PDE6C: variants seen among roughly 807,000 people sequenced by gnomAD.
PDE6C encodes the protein phosphodiesterase 6C, also known as cone cGMP-specific 3',5'-cyclic phosphodiesterase subunit alpha'.
A neutral mutation model predicts 113.1 loss-of-function variants in PDE6C; 75 were observed. That is an observed-to-expected ratio of 0.66 (90% CI 0.55 to 0.80). PDE6C has a LOEUF of 0.80. PDE6C is among the 30% of genes least tolerant of loss of function. PDE6C has a pLI of 0.00. For missense variants in PDE6C, 912 were observed against 1,038.6 expected (o/e 0.88, Z 1.67); for synonymous variants, 375 against 363.7 (o/e 1.03, Z -0.35).
chr10:93,654,596 TCTC>T (rs1057258935), intron 15 of PDE6C, among the ~76,000 whole-genome samples: 4 of 152,164 alleles, frequency 2.6e-5, no homozygotes, highest in African/African-American at 4.8e-5. Context: ...TGATAGACTA[TCTC>T]CTCTTTCTTT....
intron 18 of PDE6C, among the ~76,000 whole-genome samples, chr10:93,659,399 A>G (rs1379817765): frequency 1.3e-5 from 2 of 152,214 alleles, no homozygotes; most frequent in East Asian, 1.9e-4. Flanking sequence ...AATAATTTAT[A>G]TAAAATTATC....
chr10:93,639,483 T>C (rs1395021391), intron 11 of PDE6C, among the ~76,000 whole-genome samples: 2 of 152,254 alleles, frequency 1.3e-5, no homozygotes, highest in African/African-American at 2.4e-5. Flanking sequence ...TATACCTATG[T>C]ACTGCAGGGC....
chr10:93,664,593 C>G (rs1333691665), intron 21 of PDE6C, among the ~76,000 whole-genome samples: 1 of 152,154 alleles, frequency 6.6e-6, no homozygotes, highest in Non-Finnish European at 1.5e-5. Flanking sequence ...TTTCTTAGTA[C>G]TATTAGATTT....
Position 93,617,511 on chromosome 10 carries a change from C to T in PDE6C, c.481-3121C>T, listed in dbSNP as rs370208675. Among the ~76,000 whole-genome samples, 24 of 152,258 alleles carry T rather than the reference C, an allele frequency of 1.6e-4. No individual in the cohort carries two copies. The East Asian group carries it at 3.5e-3, about 22-fold the overall frequency. On this transcript the variant is annotated intron_variant, in intron 1 of 21. Transcript: ENST00000371447. ...GCTGCCAGCTAAGCATGGTGGCTTA[C>T]ACCTGTAATCTCAGCACTTTGGGAA...
In PDE6C at chr10:93,658,884, A is replaced by T. The variant is rs1348406923; in HGVS notation, c.2037-17A>T. Reference sequence around the variant, plus strand: ...TTCATAAGCTAAAATTGTTGCTCACAGCTGTATCTTTTCTAGGAAGAGGAC... The same window carrying T: ...TTCATAAGCTAAAATTGTTGCTCACTGCTGTATCTTTTCTAGGAAGAGGAC... On this transcript the variant is annotated splice_polypyrimidine_tract_variant and intron_variant, in intron 16 of 21. Transcript: ENST00000371447. 2.1e-6 allele frequency: 3 copies of T among 1,443,820 alleles called. No homozygotes were observed. Among genetic ancestry groups the T allele is most frequent in the African/African-American group, 1.4e-5 (1 of 71,576 alleles). The allele number at this position is 1,443,820 out of a possible 1,614,324, so 89.4% of individuals were successfully genotyped here. A position where few individuals can be genotyped will look rare whatever the true frequency, so the allele number is the denominator to read the frequency against.
At chr10:93,646,700 T>G (rs2058586130) in intron 15 of PDE6C, among the ~76,000 whole-genome samples, 1 of 151,984 alleles carries the variant, frequency 6.6e-6, no homozygotes, top group Admixed American at 6.6e-5. Flanking sequence ...AATAACCAGA[T>G]CTCATGAGAA....
intron 11 of PDE6C, among the ~76,000 whole-genome samples, chr10:93,637,294 T>C (rs942240529): frequency 3.3e-5 from 5 of 152,150 alleles, no homozygotes; most frequent in Non-Finnish European, 5.9e-5. Context: ...CAATTGTAGG[T>C]AGCCTAGACT....
chr10:93,663,947 G>A (rs1564807151), intron 21 of PDE6C, among the ~76,000 whole-genome samples: 1 of 152,166 alleles, frequency 6.6e-6, no homozygotes, highest in African/African-American at 2.4e-5. Context: ...ATGTGGAAAG[G>A]CCCTGACATG....
At chr10:93,620,595 T>C in intron 1 of PDE6C, 37 bp from the exon 2 acceptor site, 1 of 1,610,438 alleles carries the variant, frequency 6.2e-7, no homozygotes, top group Non-Finnish European at 8.5e-7. Context: ...TCTATGATTT[T>C]GTGCCACTTT....
At chr10:93,653,548 G>A (rs1046572389) in intron 15 of PDE6C, among the ~76,000 whole-genome samples, 1 of 152,066 alleles carries the variant, frequency 6.6e-6, no homozygotes, top group Admixed American at 6.6e-5. Context: ...GGAGGCTGAG[G>A]CAGGAGAATC....
intron 16 of PDE6C, among the ~76,000 whole-genome samples, chr10:93,658,032 T>C (rs542654373): frequency 6.6e-6 from 1 of 151,688 alleles, no homozygotes; most frequent in South Asian, 2.1e-4. Context: ...TAGCCAGGCA[T>C]GCTGGAGCAT....
At chr10:93,633,352 G>A (rs2058510973) in intron 8 of PDE6C, among the ~76,000 whole-genome samples, 1 of 151,688 alleles carries the variant, frequency 6.6e-6, no homozygotes, top group Non-Finnish European at 1.5e-5. Context: ...TGTAATCCCA[G>A]CTACTCGTGA....
rs752947586 is a variant in PDE6C, at chr10:93,635,584, C to G, written c.1357C>G (p.Gln453Glu). 1.4e-5 allele frequency: 22 copies of G among 1,613,736 alleles called. No individual in the cohort carries two copies. Among genetic ancestry groups the G allele is most frequent in the Non-Finnish European group, 1.8e-5 (21 of 1,179,810 alleles). ...GCTAGAAAACAGAAAGGACATTGCT[C>G]AGGAAATGCTCATGAACCAAACCAA... ...NKLENRKDIA[Q>E]EMLMNQTKAT... The change falls in exon 10 of 22, where the codon CAG (glutamine) becomes GAG (glutamate). Residue 453 changes from glutamine to glutamate, a missense_variant. Transcript: ENST00000371447.
intron 10 of PDE6C, among the ~76,000 whole-genome samples, chr10:93,636,070 T>C (rs1329324091): frequency 2.6e-5 from 4 of 152,142 alleles, no homozygotes; most frequent in Admixed American, 2.6e-4. Flanking sequence ...AAGCTATGAA[T>C]TTGGTTTGCT....
At chr10:93,650,034 A>C (rs2058602597) in intron 15 of PDE6C, among the ~76,000 whole-genome samples, 1 of 152,182 alleles carries the variant, frequency 6.6e-6, no homozygotes, top group Non-Finnish European at 1.5e-5. Flanking sequence ...GACCCTTCAC[A>C]GCACATCCCA....
At chr10:93,638,755 C>T (rs552202585) in intron 11 of PDE6C, among the ~76,000 whole-genome samples, 33 of 152,314 alleles carry the variant, frequency 2.2e-4, no homozygotes, top group Admixed American at 1.2e-3. Context: ...TCCATCTTCA[C>T]GTACCTGAGT....
chr10:93,654,463 GA>G lies in PDE6C; in HGVS notation c.1936-1295del, dbSNP rs370874155. ...CTGGGGTCTGTTGTGAAGAGATTAAGAATATTCACAAAGCACTTAGAGCCTG... is the reference window on the plus strand; with the variant it reads ...CTGGGGTCTGTTGTGAAGAGATTAAGATATTCACAAAGCACTTAGAGCCTG... On this transcript the variant is annotated intron_variant, in intron 15 of 21. Transcript: ENST00000371447. Among the ~76,000 whole-genome samples the G allele has an allele frequency of 2.7e-3, 415 of 152,304 alleles. 2 individuals are homozygous for G. The highest frequency in any genetic ancestry group is 9.6e-3 in the African/African-American group (400 of 41,578).
intron 15 of PDE6C, among the ~76,000 whole-genome samples, chr10:93,648,172 AT>A (rs888362064): frequency 7.2e-5 from 11 of 152,070 alleles, no homozygotes; most frequent in African/African-American, 1.9e-4. Context: ...TTCCATCTGA[AT>A]TTTTTTTAAT....
At chr10:93,655,467 C>T (rs2058631985) in intron 15 of PDE6C, among the ~76,000 whole-genome samples, 1 of 151,868 alleles carries the variant, frequency 6.6e-6, no homozygotes, top group African/African-American at 2.4e-5. Context: ...TAGAAGAAAA[C>T]ATTTATTTAC....
Sources: allele counts gnomAD v4.1 joint callset (sites outside exome capture counted in the v4.1 genomes callset), GRCh38; gene constraint gnomAD v4.1.1; transcripts MANE v1.5; gene names NCBI Gene and HGNC (gene_info 2026-07-23, HGNC 2026-07-21).